The following HTR1E variants were observed in gnomAD, a reference collection of about 807,000 sequenced individuals.
HTR1E encodes 5-HT-1E.
A neutral mutation model predicts 3.4 loss-of-function variants in HTR1E; 3 were observed. The observed-to-expected ratio is 0.89, with a 90% CI of 0.41 to 2.31. The LOEUF (loss-of-function observed/expected upper bound fraction) is 2.31. HTR1E is among the 30% of genes most tolerant of loss of function. The pLI is 0.05. For missense variants in HTR1E, 392 were observed against 467.0 expected (o/e 0.84, Z 1.48); for synonymous variants, 170 against 182.8 (o/e 0.93, Z 0.56).
At chr6:86,995,383 C>T (rs536315822) in intron 1 of HTR1E, among the ~76,000 whole-genome samples, 46 of 145,180 alleles carry the variant, frequency 3.2e-4, no homozygotes, top group South Asian at 1.1e-3. Context: ...GAACATGACC[C>T]GGCCAGACAC....
At chr6:86,949,451 G>A (rs1198466756) in intron 1 of HTR1E, among the ~76,000 whole-genome samples, 1 of 152,174 alleles carries the variant, frequency 6.6e-6, no homozygotes, top group Non-Finnish European at 1.5e-5. Flanking sequence ...TAGCAGCCAA[G>A]CTAAAATTCA....
chr6:86,987,276 C>T (rs1272240015), intron 1 of HTR1E, among the ~76,000 whole-genome samples: 1 of 152,032 alleles, frequency 6.6e-6, no homozygotes, highest in Non-Finnish European at 1.5e-5. Flanking sequence ...GTTGCTAAAG[C>T]TTTCTTAGGT....
At chr6:86,981,807 A>T (rs779227742) in intron 1 of HTR1E, among the ~76,000 whole-genome samples, 3 of 152,246 alleles carry the variant, frequency 2.0e-5, no homozygotes, top group Non-Finnish European at 4.4e-5. Context: ...CAAAGACACT[A>T]CCTAGGAAGG....
chr6:87,014,470 G>A (rs1768286212), intron 1 of HTR1E, among the ~76,000 whole-genome samples: 2 of 151,972 alleles, frequency 1.3e-5, no homozygotes, highest in South Asian at 2.1e-4. Context: ...ATACCCAAAG[G>A]ATTTTAAATT....
intron 1 of HTR1E, among the ~76,000 whole-genome samples, chr6:86,975,700 G>T (rs567019176): frequency 6.6e-6 from 1 of 152,136 alleles, no homozygotes; most frequent in Admixed American, 6.5e-5. Flanking sequence ...ATACTGGTAG[G>T]ATTTTTAGTC....
chr6:86,959,361 C>T (rs370756145), intron 1 of HTR1E, among the ~76,000 whole-genome samples: 1 of 152,208 alleles, frequency 6.6e-6, no homozygotes, highest in South Asian at 2.1e-4. Context: ...AGGTGGATCA[C>T]CTGAGCTCAG....
intron 1 of HTR1E, among the ~76,000 whole-genome samples, chr6:86,959,277 A>G (rs1460961844): frequency 6.6e-6 from 1 of 152,016 alleles, no homozygotes; most frequent in African/African-American, 2.4e-5. Context: ...AAAAAGAAAA[A>G]AAGAAGAAGA....
chr6:86,958,530 A>T (rs769753865), intron 1 of HTR1E, among the ~76,000 whole-genome samples: 1 of 152,152 alleles, frequency 6.6e-6, no homozygotes, highest in African/African-American at 2.4e-5. Context: ...GAATACAGGC[A>T]TTATGAGGGC....
At chr6:86,940,639 T>C (rs1434962447) in intron 1 of HTR1E, among the ~76,000 whole-genome samples, 1 of 152,232 alleles carries the variant, frequency 6.6e-6, no homozygotes, top group African/African-American at 2.4e-5. Flanking sequence ...TCTAATTCCC[T>C]ACATCTCACT....
At chr6:86,982,320 A>T (rs1043129225) in intron 1 of HTR1E, among the ~76,000 whole-genome samples, 1 of 152,086 alleles carries the variant, frequency 6.6e-6, no homozygotes, top group African/African-American at 2.4e-5. Flanking sequence ...TTATACCTTT[A>T]CTGGGCTTTG....
chr6:86,940,805 G>A (rs951998740), intron 1 of HTR1E, among the ~76,000 whole-genome samples: 5 of 152,146 alleles, frequency 3.3e-5, no homozygotes, highest in African/African-American at 1.2e-4. Flanking sequence ...AAAAAAATAA[G>A]CTTGAGACTG....
At chr6:87,010,642 G>C (rs1323211715) in intron 1 of HTR1E, among the ~76,000 whole-genome samples, 2 of 146,658 alleles carry the variant, frequency 1.4e-5, no homozygotes, top group African/African-American at 5.1e-5. Flanking sequence ...CGGCCGGGCG[G>C]AGACGCTCCT....
At chr6:86,992,484 T>C (rs908255376) in intron 1 of HTR1E, among the ~76,000 whole-genome samples, 5 of 152,198 alleles carry the variant, frequency 3.3e-5, no homozygotes, top group Admixed American at 2.6e-4. Flanking sequence ...CATTATACTT[T>C]GGTCAATATA....
chr6:86,960,958 G>A (rs1767399133), intron 1 of HTR1E, among the ~76,000 whole-genome samples: 2 of 152,326 alleles, frequency 1.3e-5, no homozygotes, highest in South Asian at 2.1e-4. Context: ...CCACAATAGT[G>A]TGTCTGAATA....
At chr6:86,987,531 A>C (rs1280833038) in intron 1 of HTR1E, among the ~76,000 whole-genome samples, 1 of 152,114 alleles carries the variant, frequency 6.6e-6, no homozygotes, top group Non-Finnish European at 1.5e-5. Flanking sequence ...TCAATCCAAT[A>C]TGGCAGCCAC....
intron 1 of HTR1E, among the ~76,000 whole-genome samples, chr6:87,010,318 A>G (rs1209062050): frequency 1.5e-5 from 1 of 68,606 alleles, no homozygotes; most frequent in Admixed American, 1.7e-4. Flanking sequence ...GGGGGGGCTG[A>G]CCCCCCCCAC....
rs144749990 is a variant in HTR1E at position 86,953,071 on chromosome 6, C to T, written c.-186+15248C>T. On this transcript the variant is annotated intron_variant, in intron 1 of 1. Transcript: ENST00000305344. ...ATGCTGCCTTGACTGACTCAGCCAA[C>T]CAGTTTCATATTCTTTACATAGCTT... is the stretch of plus-strand genomic sequence containing the variant. Among the ~76,000 whole-genome samples, 81 of 152,268 alleles carry T rather than the reference C, an allele frequency of 5.3e-4. No homozygotes were observed. In the East Asian group the frequency reaches 0.014, roughly 26 times the overall value.
At chr6:86,976,871 A>G (rs1171956899) in intron 1 of HTR1E, among the ~76,000 whole-genome samples, 1 of 152,224 alleles carries the variant, frequency 6.6e-6, no homozygotes, top group Non-Finnish European at 1.5e-5. Flanking sequence ...ATTCTTCATT[A>G]TAGACCTAAG....
intron 1 of HTR1E, among the ~76,000 whole-genome samples, chr6:86,958,252 G>T (rs1227873182): frequency 2.0e-5 from 3 of 152,074 alleles, no homozygotes; most frequent in East Asian, 3.9e-4. Context: ...TAGAGACGAG[G>T]TTTCACTGTG....
Sources: gnomAD v4.1 joint callset for allele counts (sites outside exome capture counted in the v4.1 genomes callset) on GRCh38, gnomAD v4.1.1 for gene constraint, MANE v1.5 for transcripts, NCBI Gene and HGNC (gene_info 2026-07-23, HGNC 2026-07-21) for gene names.